The following HOOK3 variants were observed in gnomAD, a reference collection of about 807,000 sequenced individuals.
The protein encoded by HOOK3 is hook microtubule tethering protein 3, also known as protein Hook homolog 3.
Under a neutral mutation model 116.3 loss-of-function variants are expected in HOOK3, and 24 were observed. That is an observed-to-expected ratio of 0.21 (90% CI 0.15 to 0.29). The LOEUF (loss-of-function observed/expected upper bound fraction) is 0.29, where lower values mean the gene tolerates loss of function less well. HOOK3 is among the 10% of genes least tolerant of loss of function. The pLI is 1.00. For synonymous variants in HOOK3, 275 were observed against 283.0 expected, an observed-to-expected ratio of 0.97 and a Z score of 0.28; for missense variants, 632 against 830.2, an observed-to-expected ratio of 0.76 and a Z score of 2.93.
chr8:42,920,535 G>C (rs111934462), intron 2 of HOOK3, among the ~76,000 whole-genome samples: 1 of 152,176 alleles, frequency 6.6e-6, no homozygotes, highest in Non-Finnish European at 1.5e-5. Flanking sequence ...CGGGGGATTG[G>C]GAAGGATAGC....
At chr8:42,916,863 T>C (rs1807543397) in intron 2 of HOOK3, among the ~76,000 whole-genome samples, 1 of 152,096 alleles carries the variant, frequency 6.6e-6, no homozygotes, top group African/African-American at 2.4e-5. Flanking sequence ...TGGGTCTAAG[T>C]CTTTTCGGCA....
At chr8:43,011,722 T>G (rs982586923) in intron 19 of HOOK3, among the ~76,000 whole-genome samples, 1 of 151,918 alleles carries the variant, frequency 6.6e-6, no homozygotes, top group African/African-American at 2.4e-5. Context: ...AAAAAAAGTT[T>G]TAAAAAATTA....
At chr8:42,969,123 CTA>C (rs1586614483) in intron 11 of HOOK3, among the ~76,000 whole-genome samples, 1 of 151,876 alleles carries the variant, frequency 6.6e-6, no homozygotes, top group African/African-American at 2.4e-5. Context: ...GCTTTTTTTT[CTA>C]TGTTAAAAGA....
chr8:43,018,100 T>C (rs1809755776), intron 21 of HOOK3, among the ~76,000 whole-genome samples: 1 of 152,188 alleles, frequency 6.6e-6, no homozygotes, highest in Admixed American at 6.5e-5. Flanking sequence ...TGAGTATGGG[T>C]AAAGTCTGTC....
intron 2 of HOOK3, among the ~76,000 whole-genome samples, chr8:42,919,387 G>A (rs1331717315): frequency 2.7e-5 from 4 of 150,842 alleles, no homozygotes; most frequent in Admixed American, 2.6e-4. Context: ...CTCAGACGGG[G>A]TGGCAGGGCA....
rs113737597 is a variant in HOOK3 at position 42,905,325 on chromosome 8, T to TGGG, written c.58-839_58-837dup. Among the ~76,000 whole-genome samples, 16 of 99,154 alleles carry TGGG rather than the reference T, an allele frequency of 1.6e-4. 2 individuals carry two copies. Among genetic ancestry groups the TGGG allele is most frequent in the African/African-American group, 7.0e-4 (15 of 21,442 alleles). The allele number at this position is 99,154 out of a possible 152,430, so 65.0% of individuals were successfully genotyped here. A position where few individuals can be genotyped will look rare whatever the true frequency, so the allele number is the denominator to read the frequency against. On this transcript the variant is annotated intron_variant, in intron 1 of 21. Transcript: ENST00000307602. ...TTTTTTTTTTTCCTGTTTCTTTTTTTGGGGGGGGGGGTGCCGTGGTGGAGG... is the reference window on the plus strand; with the variant it reads ...TTTTTTTTTTTCCTGTTTCTTTTTTTGGGGGGGGGGGGGGTGCCGTGGTGGAGG...
Position 43,025,020 on chromosome 8 carries a change from T to C in HOOK3, c.*6522T>C, listed in dbSNP as rs117030148. The stretch of plus-strand genomic sequence containing the variant: ...TTATCTATATGACTATAGAAACTTA[T>C]AAAACATTTAATTCATGTTGACTTA... On this transcript the variant is annotated 3_prime_UTR_variant, in exon 22 of 22. Transcript: ENST00000307602. 3,056 of 204,690 alleles carry C rather than the reference T, an allele frequency of 0.015. 39 individuals carry two copies. Among genetic ancestry groups the C allele is most frequent in the Middle Eastern group, 0.028 (17 of 600 alleles). The allele number at this position is 204,690 out of a possible 1,614,324, so 12.7% of individuals were successfully genotyped here.
At chr8:42,913,423 A>G (rs1807471868) in intron 2 of HOOK3, among the ~76,000 whole-genome samples, 1 of 152,214 alleles carries the variant, frequency 6.6e-6, no homozygotes, top group Non-Finnish European at 1.5e-5. Context: ...TTCATGTAGT[A>G]TAATTTTGTG....
At chr8:43,017,814 C>G (rs1248446204) in intron 21 of HOOK3, among the ~76,000 whole-genome samples, 1 of 151,494 alleles carries the variant, frequency 6.6e-6, no homozygotes, top group Non-Finnish European at 1.5e-5. Context: ...AAGAAAGACC[C>G]CCTTCTCTCA....
At chr8:43,003,218 A>T (rs1286656024) in intron 17 of HOOK3, among the ~76,000 whole-genome samples, 1 of 152,198 alleles carries the variant, frequency 6.6e-6, no homozygotes, top group East Asian at 1.9e-4. Context: ...TTATTCTACT[A>T]GGATGCGAAA....
At chr8:42,900,516 G>A (rs900422109) in intron 1 of HOOK3, among the ~76,000 whole-genome samples, 2 of 152,120 alleles carry the variant, frequency 1.3e-5, no homozygotes, top group Non-Finnish European at 2.9e-5. Context: ...ATGCATACTA[G>A]TATATAGAAT....
At chr8:42,907,950 C>T (rs1165099395) in intron 2 of HOOK3, among the ~76,000 whole-genome samples, 1 of 151,790 alleles carries the variant, frequency 6.6e-6, no homozygotes, top group Middle Eastern at 3.2e-3. Flanking sequence ...ACTATTAGAC[C>T]TGGTAAATGA....
At position 42,966,456 on chromosome 8, in the gene HOOK3, T is replaced by G; in HGVS notation, c.780-17T>G. 1 of 1,613,480 alleles carries G rather than the reference T, an allele frequency of 6.2e-7. No individual in the cohort carries two copies. On this transcript the variant is annotated splice_polypyrimidine_tract_variant and intron_variant, in intron 9 of 21. Coordinates refer to ENST00000307602, the MANE Select transcript of HOOK3 (RefSeq NM_032410.4). ...CAGTAAATAGTGCTTTCTTGGTCTA[T>G]TTTATATCGGTTACAGACTAGAAGC... is the stretch of plus-strand genomic sequence containing the variant.
chr8:42,930,253 A>G (rs922901020), intron 4 of HOOK3, 81 bp downstream of exon 4: 15 of 1,227,052 alleles, frequency 1.2e-5, no homozygotes, highest in East Asian at 2.8e-5. Flanking sequence ...TTAAGGAAAA[A>G]TTGCTTTCAA....
chr8:42,923,003 C>G (rs533271681), intron 2 of HOOK3, among the ~76,000 whole-genome samples: 1 of 152,094 alleles, frequency 6.6e-6, no homozygotes, highest in Non-Finnish European at 1.5e-5. Context: ...TACCAAAACT[C>G]TTACAATTCA....
At chr8:42,940,043 C>T (rs537940800) in intron 4 of HOOK3, among the ~76,000 whole-genome samples, 4,706 of 152,034 alleles carry the variant, frequency 0.031, 263 homozygotes, top group African/African-American at 0.11. Context: ...AGACGGTGGG[C>T]GGCCAGGCAG....
chr8:42,954,982 A>ATAAT (rs1403721757), intron 6 of HOOK3, among the ~76,000 whole-genome samples: 1 of 152,222 alleles, frequency 6.6e-6, no homozygotes, highest in Non-Finnish European at 1.5e-5. Context: ...ACAGTGTGGA[A>ATAAT]TAATCTCTGA....
At chr8:42,989,501 A>G (rs750630599) in intron 15 of HOOK3, among the ~76,000 whole-genome samples, 4 of 152,158 alleles carry the variant, frequency 2.6e-5, no homozygotes, top group African/African-American at 9.7e-5. Flanking sequence ...ATATATATTT[A>G]TGAGTTACAT....
intron 1 of HOOK3, among the ~76,000 whole-genome samples, chr8:42,901,978 G>A (rs1807199553): frequency 1.3e-5 from 2 of 152,182 alleles, no homozygotes; most frequent in African/African-American, 2.4e-5. Context: ...AATGTTCTGG[G>A]ATTACAGGCG....
Sources: gnomAD v4.1 joint callset for allele counts (sites outside exome capture counted in the v4.1 genomes callset) on GRCh38, gnomAD v4.1.1 for gene constraint, MANE v1.5 for transcripts, NCBI Gene and HGNC (gene_info 2026-07-23, HGNC 2026-07-21) for gene names.